The following DCLRE1C variants were observed in gnomAD, a reference collection of about 807,000 sequenced individuals.
DCLRE1C encodes the protein protein artemis.
DCLRE1C carries 47 observed loss-of-function variants against 61.4 expected under a neutral mutation model. The observed-to-expected ratio is 0.77, with a 90% CI of 0.61 to 0.98. The LOEUF is 0.98. Ranked by LOEUF, DCLRE1C falls within the 50% of genes least tolerant of loss-of-function variation. The pLI is 0.00. For synonymous variants in DCLRE1C, 337 were observed against 287.6 expected, an observed-to-expected ratio of 1.17 and a Z score of -1.74; for missense variants, 858 against 816.0, an observed-to-expected ratio of 1.05 and a Z score of -0.63.
rs552286467 is a variant in DCLRE1C, at chr10:14,927,401, AAGGGAGGG to A, written c.918-512_918-505del. Among the ~76,000 whole-genome samples the A allele has an allele frequency of 4.3e-5, 6 of 139,190 alleles. No homozygotes were observed. In the South Asian group the frequency reaches 1.1e-3, roughly 25 times the overall value. The allele number at this position is 139,190 out of a possible 152,430, so 91.3% of individuals were successfully genotyped here. A position where few individuals can be genotyped will look rare whatever the true frequency, so the allele number is the denominator to read the frequency against. ...TTCTTTCTCCACACAAAAAAAAAAG[AAGGGAGGG>A]AGGGAGGGAGGGACCTCTTGCAGAT... On this transcript the variant is annotated intron_variant, in intron 10 of 13. Transcript: ENST00000378278.
In DCLRE1C at chr10:14,932,933, A is replaced by G. The variant is rs1839272068; in HGVS notation, c.701T>C (p.Met234Thr). The change falls in exon 9 of 14, where the codon ATG becomes ACG. Residue 234 changes from methionine to threonine, a missense_variant. Physicochemically the swap from Met to Thr is moderately conservative, Grantham distance 81. Coordinates refer to ENST00000378278, the MANE Select transcript of DCLRE1C (RefSeq NM_001033855.3). ...GVQVHVNKLD[M>T]FRNMPEILHH... ...AAGGATCTCAGGCATGTTCCTAAACATGTCTAGCTTATTCACATGAACCTA... is the reference window on the plus strand; with the variant it reads ...AAGGATCTCAGGCATGTTCCTAAACGTGTCTAGCTTATTCACATGAACCTA... The G allele has an allele frequency of 1.2e-6, 2 of 1,614,226 alleles. No individual in the cohort carries two copies. The highest frequency in any genetic ancestry group is 1.7e-6 in the Non-Finnish European group (2 of 1,180,032).
chr10:14,952,352 TGAG>T (rs1424476000), intron 1 of DCLRE1C, among the ~76,000 whole-genome samples: 1 of 152,178 alleles, frequency 6.6e-6, no homozygotes, highest in African/African-American at 2.4e-5. Flanking sequence ...TTTGGGAGGC[TGAG>T]GTGGGTGGAT....
At chr10:14,915,333 G>A (rs907335740) in intron 13 of DCLRE1C, among the ~76,000 whole-genome samples, 22 of 151,674 alleles carry the variant, frequency 1.5e-4, no homozygotes, top group African/African-American at 4.8e-4. Context: ...AAAAAAGAGA[G>A]AAAATGAAAA....
Position 14,913,695 on chromosome 10 carries a change from A to C in DCLRE1C, c.1157-4365T>G, listed in dbSNP as rs1409242423. Among the ~76,000 whole-genome samples the C allele has an allele frequency of 3.9e-5, 6 of 152,252 alleles. No homozygotes were observed. The East Asian group carries it at 1.2e-3, about 29-fold the overall frequency. On this transcript the variant is annotated intron_variant, in intron 13 of 13. Coordinates refer to ENST00000378278, the MANE Select transcript of DCLRE1C (RefSeq NM_001033855.3). ...ATACAAAAAACACAAAAATTGATAC[A>C]GTATAACAACTAGTTACCAAGCATT... is the stretch of plus-strand genomic sequence containing the variant.
rs1174972747 is a variant in DCLRE1C, at chr10:14,907,546, CTT to C, written c.*860_*861del. ...GCTGTAATTGTGCATTAGTTTGTCT[CTT>C]TTCAGCTGTTCTAGCTTCATAAATT... On this transcript the variant is annotated 3_prime_UTR_variant, in exon 14 of 14. Transcript: ENST00000378278. 3.3e-5 allele frequency among the ~76,000 whole-genome samples: 5 copies of C among 152,034 alleles called. No individual in the cohort carries two copies. The East Asian group carries it at 5.8e-4, about 18-fold the overall frequency.
intron 13 of DCLRE1C, among the ~76,000 whole-genome samples, chr10:14,910,059 C>T (rs1028278020): frequency 6.6e-6 from 1 of 152,168 alleles, no homozygotes; most frequent in African/African-American, 2.4e-5. Flanking sequence ...TGTATGGCAA[C>T]TTCTTGTTCT....
intron 9 of DCLRE1C, 113 bp from the exon 10 acceptor site, chr10:14,928,265 TA>T (rs201956020): frequency 3.3e-4 from 313 of 935,820 alleles, no homozygotes; most frequent in Non-Finnish European, 3.9e-4. Flanking sequence ...AAATAAAAAA[TA>T]AAAAAAAAGC....
In DCLRE1C at chr10:14,932,929, A is replaced by G. The variant is rs1839271662; in HGVS notation, c.705T>C (p.Phe235=). The G allele has an allele frequency of 6.2e-7, 1 of 1,614,114 alleles. No homozygotes were observed. The highest frequency in any genetic ancestry group is 1.1e-5 in the South Asian group (1 of 91,096). The change falls in exon 9 of 14, where the codon TTT becomes TTC. Residue 235 remains phenylalanine, a synonymous_variant. Transcript: ENST00000378278. ...VQVHVNKLDM[F]RNMPEILHHL... The stretch of plus-strand genomic sequence containing the variant: ...GATGAAGGATCTCAGGCATGTTCCT[A>G]AACATGTCTAGCTTATTCACATGAA...
chr10:14,926,089 G>A (rs1837927546), intron 11 of DCLRE1C, among the ~76,000 whole-genome samples: 1 of 152,148 alleles, frequency 6.6e-6, no homozygotes, highest in Non-Finnish European at 1.5e-5. Flanking sequence ...CCAGCCCTGC[G>A]GAACTATGAG....
chr10:14,943,493 G>A (rs2995241), intron 3 of DCLRE1C, among the ~76,000 whole-genome samples: 370 of 151,214 alleles, frequency 2.4e-3, no homozygotes, highest in African/African-American at 8.6e-3. Flanking sequence ...ATTTCAACCT[G>A]TATTTATCCT....
chr10:14,930,790 A>G (rs1464030498), intron 9 of DCLRE1C, among the ~76,000 whole-genome samples: 5 of 152,216 alleles, frequency 3.3e-5, no homozygotes, highest in Non-Finnish European at 7.3e-5. Context: ...ACGTGTCTGT[A>G]TATGTGAATA....
downstream of DCLRE1C, chr10:14,904,383 G>A (rs1044111336): frequency 2.3e-5 from 1 of 44,124 alleles, no homozygotes; most frequent in Non-Finnish European, 4.3e-5. Context: ...AATGGCATTT[G>A]TGTTTTAAGA....
chr10:14,931,424 A>AGC (rs1321983199), intron 9 of DCLRE1C, among the ~76,000 whole-genome samples: 8 of 152,036 alleles, frequency 5.3e-5, no homozygotes, highest in Non-Finnish European at 1.2e-4. Context: ...CAGGTGTGGT[A>AGC]GCGGGAGCCT....
chr10:14,903,913 T>A (rs578036771), downstream of DCLRE1C: 1 of 152,268 alleles, frequency 6.6e-6, no homozygotes, highest in South Asian at 2.1e-4. Context: ...AAGCTAGACT[T>A]TATTCATTAT....
intron 6 of DCLRE1C, among the ~76,000 whole-genome samples, 197 bp downstream of exon 6, chr10:14,935,266 A>G (rs1321240538): frequency 1.3e-5 from 2 of 152,050 alleles, no homozygotes; most frequent in Non-Finnish European, 2.9e-5. Flanking sequence ...CAGGAGTTCA[A>G]GACCAGCCTG....
At position 14,934,745 on chromosome 10, in the gene DCLRE1C, A is replaced by G. The variant is rs1839618506; in HGVS notation, c.495T>C (p.Asp165=). 1 of 1,613,972 alleles carries G rather than the reference A, an allele frequency of 6.2e-7. No homozygotes were observed. The highest frequency in any genetic ancestry group is 1.3e-5 in the African/African-American group (1 of 75,052). ...RVKDIQSVYL[D]TTFCDPRFYQ... is the part of the protein sequence containing the mutation. The stretch of plus-strand genomic sequence containing the variant: ...AAAATCTTGGATCACAGAACGTAGT[A>G]TCCAAATATACACTTTGGATGTCTT... The change falls in exon 7 of 14, where the codon GAT becomes GAC. Residue 165 remains aspartate (D), a synonymous_variant. Transcript: ENST00000378278.
intron 2 of DCLRE1C, 157 bp from the exon 3 acceptor site, chr10:14,945,346 T>C: frequency 7.2e-7 from 1 of 1,392,684 alleles, no homozygotes; most frequent in South Asian, 1.5e-5. Flanking sequence ...AATACTAGCC[T>C]GGCATGGTTA....
chr10:14,941,397 G>A (rs1379865402), intron 3 of DCLRE1C, among the ~76,000 whole-genome samples: 1 of 152,036 alleles, frequency 6.6e-6, no homozygotes, highest in East Asian at 1.9e-4. Context: ...TGATTTTTCT[G>A]CCTCAGCCTT....
chr10:14,933,346 T>G (rs559112477), intron 8 of DCLRE1C, among the ~76,000 whole-genome samples: 1 of 152,308 alleles, frequency 6.6e-6, no homozygotes, highest in East Asian at 1.9e-4. Context: ...TCAAGAATCA[T>G]CTACCCTCAG....
Sources: allele counts gnomAD v4.1 joint callset (sites outside exome capture counted in the v4.1 genomes callset), GRCh38; gene constraint gnomAD v4.1.1; transcripts MANE v1.5; gene names NCBI Gene and HGNC (gene_info 2026-07-23, HGNC 2026-07-21).